Variants in RBL2 observed in about 807,000 individuals in gnomAD.
RBL2 encodes RB transcriptional corepressor like 2.
RBL2 carries 56 observed loss-of-function variants against 126.0 expected under a neutral mutation model. That is an observed-to-expected ratio of 0.44 (90% CI 0.36 to 0.56). RBL2 has a LOEUF of 0.56. RBL2 is among the 20% of genes least tolerant of loss of function. The pLI is 0.00. For synonymous variants in RBL2, 454 were observed against 478.5 expected, an observed-to-expected ratio of 0.95 and a Z score of 0.67; for missense variants, 1,229 against 1,398.2, an observed-to-expected ratio of 0.88 and a Z score of 1.93.
chr16:53,468,760 T>C (rs1164370371), intron 14 of RBL2, among the ~76,000 whole-genome samples: 1 of 152,202 alleles, frequency 6.6e-6, no homozygotes, highest in Non-Finnish European at 1.5e-5. Flanking sequence ...TTTCTATGTA[T>C]ATTTTAAATT....
chr16:53,490,405 C>G lies in RBL2; in HGVS notation c.*105C>G. 9.9e-7 allele frequency: 1 copy of G among 1,014,804 alleles called. No individual in the cohort carries two copies. Among genetic ancestry groups the G allele is most frequent in the Non-Finnish European group, 1.4e-6 (1 of 721,218 alleles). The allele number at this position is 1,014,804 out of a possible 1,614,324, so 62.9% of individuals were successfully genotyped here. On this transcript the variant is annotated 3_prime_UTR_variant, in exon 22 of 22. Transcript: ENST00000262133. ...CCTTAATCCAGCTGATGAGTTACAG[C>G]CTGTTAGTAACATGAGGGGACATTT...
In RBL2 at chr16:53,451,747, C is replaced by T; in HGVS notation, c.682C>T (p.Leu228=). 1 of 1,613,434 alleles carries T rather than the reference C, an allele frequency of 6.2e-7. No individual in the cohort carries two copies. The highest frequency in any genetic ancestry group is 1.3e-5 in the African/African-American group (1 of 75,010). The part of the protein sequence containing the change: ...ISDDLVNSYH[L]LLCALDLVYG... ...TGATGATTTGGTCAATTCTTATCAC[C>T]TGCTGCTGTGTGCTTTGGACTTAGT... Residue 228 remains leucine, a synonymous_variant, in exon 5 of 22, where the codon CTG becomes TTG. Transcript: ENST00000262133.
intron 8 of RBL2, among the ~76,000 whole-genome samples, chr16:53,458,162 A>G (rs556779620): frequency 7.9e-5 from 12 of 152,378 alleles, no homozygotes; most frequent in Non-Finnish European, 1.8e-4. Flanking sequence ...GTTTCTGTAT[A>G]CAGTAAATTT....
chr16:53,444,573 A>C (rs1354633037), intron 3 of RBL2, among the ~76,000 whole-genome samples: 2 of 150,280 alleles, frequency 1.3e-5, no homozygotes, highest in Admixed American at 6.6e-5. Context: ...TAAATAAATA[A>C]ATAAATAAAA....
chr16:53,472,449 C>T (rs1274183664), intron 17 of RBL2, among the ~76,000 whole-genome samples: 4 of 152,116 alleles, frequency 2.6e-5, no homozygotes, highest in South Asian at 2.1e-4. Flanking sequence ...GCCATCTTAG[C>T]GGGTATTGGG....
At chr16:53,455,285 C>A (rs2058156508) in intron 8 of RBL2, among the ~76,000 whole-genome samples, 1 of 152,140 alleles carries the variant, frequency 6.6e-6, no homozygotes, top group Non-Finnish European at 1.5e-5. Context: ...TTCAAACAGA[C>A]ACTTAGAGTG....
At chr16:53,487,136 A>G (rs1205118218) in intron 21 of RBL2, among the ~76,000 whole-genome samples, 2 of 152,218 alleles carry the variant, frequency 1.3e-5, no homozygotes, top group Non-Finnish European at 2.9e-5. Context: ...TTTTCTCCCA[A>G]TTGATCTATA....
At position 53,474,301 on chromosome 16, in the gene RBL2, T is replaced by TTTTATTTATTTA. The variant is rs58302976; in HGVS notation, c.2703+3399_2703+3410dup. 3.5e-3 allele frequency among the ~76,000 whole-genome samples: 529 copies of TTTTATTTATTTA among 149,920 alleles called. 7 individuals carry two copies. The highest frequency in any genetic ancestry group is 0.012 in the African/African-American group (501 of 40,370). The stretch of plus-strand genomic sequence containing the variant: ...CCACTGCACCCGGCTGCTGTAATTC[T>TTTTATTTATTTA]TTTATTTATTTATTTATTTATTTAT... On this transcript the variant is annotated intron_variant, in intron 17 of 21. Transcript: ENST00000262133.
At chr16:53,468,937 T>TTA (rs201839484) in intron 14 of RBL2, among the ~76,000 whole-genome samples, 2 of 149,894 alleles carry the variant, frequency 1.3e-5, no homozygotes, top group South Asian at 2.1e-4. Context: ...AAATTTTATG[T>TTA]TATATATATA....
intron 21 of RBL2, among the ~76,000 whole-genome samples, chr16:53,485,844 A>G (rs1961145672): frequency 6.6e-6 from 1 of 150,642 alleles, no homozygotes; most frequent in South Asian, 2.1e-4. Flanking sequence ...TGACAGAATG[A>G]GACCATCTAA....
At chr16:53,482,246 T>C (rs957082862) in intron 21 of RBL2, among the ~76,000 whole-genome samples, 4 of 152,198 alleles carry the variant, frequency 2.6e-5, no homozygotes, top group African/African-American at 4.8e-5. Context: ...ATTTTTGACA[T>C]TGCAGTGCAA....
At chr16:53,454,361 T>C (rs979636059) in intron 7 of RBL2, 16 of 366,640 alleles carry the variant, frequency 4.4e-5, no homozygotes, top group Admixed American at 1.1e-4. Flanking sequence ...CGTGCCACCA[T>C]GCCCAGCTAA....
rs766090408 is a variant in RBL2 at position 53,451,835 on chromosome 16, G to A, written c.766+4G>A. ...CTTGTGAACCCTAATTTTAAAGGTA[G>A]GTTTGTAAATCAAAGATTTTTGGGC... On this transcript the variant is annotated splice_donor_region_variant and intron_variant, in intron 5 of 21. Coordinates refer to ENST00000262133, the MANE Select transcript of RBL2 (RefSeq NM_005611.4). 1.9e-6 allele frequency: 3 copies of A among 1,613,092 alleles called. No homozygotes were observed. The highest frequency in any genetic ancestry group is 1.1e-5 in the South Asian group (1 of 91,038).
rs142633046 is a variant in RBL2 at position 53,442,834 on chromosome 16, G to A, written c.548G>A (p.Arg183His). 40 of 1,612,724 alleles carry A rather than the reference G, an allele frequency of 2.5e-5. No homozygotes were observed. The highest frequency in any genetic ancestry group is 3.1e-5 in the Non-Finnish European group (37 of 1,179,312). The change falls in exon 3 of 22, where the codon CGT (arginine) becomes CAT (histidine). Residue 183 changes from arginine (R) to histidine (H), a missense_variant. Transcript: ENST00000262133. ...AAATACCCTCAAGAGGAGCAACCTC[G>A]TCAGCAGCGAGGAAGGAAACAGCGG... ...IFKYPQEEQP[R>H]QQRGRKQRRQ... is the part of the protein sequence containing the mutation.
intron 1 of RBL2, among the ~76,000 whole-genome samples, chr16:53,436,091 T>A (rs1389853910): frequency 6.6e-5 from 10 of 152,262 alleles, no homozygotes; most frequent in Admixed American, 5.9e-4. Flanking sequence ...CTGAGTAAGC[T>A]ATGTTCCTAT....
intron 14 of RBL2, among the ~76,000 whole-genome samples, chr16:53,468,139 G>A (rs372683366): frequency 1.3e-5 from 2 of 152,306 alleles, no homozygotes; most frequent in South Asian, 4.1e-4. Context: ...AATCCAGAGA[G>A]TTCTAAATCC....
At chr16:53,450,970 A>G (rs562271440) in intron 4 of RBL2, among the ~76,000 whole-genome samples, 27 of 152,194 alleles carry the variant, frequency 1.8e-4, no homozygotes, top group African/African-American at 6.3e-4. Flanking sequence ...GAGAATAATT[A>G]AGTGAATTAT....
At chr16:53,488,003 A>G (rs1354871978) in intron 21 of RBL2, 1 of 152,242 alleles carries the variant, frequency 6.6e-6, no homozygotes, top group Non-Finnish European at 1.5e-5. Flanking sequence ...CACTGTGGAA[A>G]GTTGTTTCTT....
chr16:53,489,977 G>C (rs747437908), intron 21 of RBL2, 153 bp from the exon 22 acceptor site: 24 of 512,808 alleles, frequency 4.7e-5, no homozygotes, highest in Non-Finnish European at 5.9e-5. Flanking sequence ...GAAAAGTAAA[G>C]TTGGCAGGTT....
Sources: gnomAD v4.1 joint callset for allele counts (sites outside exome capture counted in the v4.1 genomes callset) on GRCh38, gnomAD v4.1.1 for gene constraint, MANE v1.5 for transcripts, NCBI Gene and HGNC (gene_info 2026-07-23, HGNC 2026-07-21) for gene names.